SDAD1: variants seen among roughly 807,000 people sequenced by gnomAD.
SDAD1 encodes the protein protein SDA1 homolog.
SDAD1 carries 79 observed loss-of-function variants against 100.3 expected under a neutral mutation model. That is an observed-to-expected ratio of 0.79 (90% CI 0.66 to 0.95). SDAD1 has a LOEUF of 0.95. Among genes scored for constraint, SDAD1 ranks in the 40% least tolerant of loss-of-function variants. SDAD1 has a pLI of 0.00. For synonymous variants in SDAD1, 267 were observed against 271.4 expected (o/e 0.98, Z 0.16); for missense variants, 790 against 810.9 (o/e 0.97, Z 0.31).
rs746008352 is a variant in SDAD1 at position 75,956,071 on chromosome 4, C to T, written c.1920G>A (p.Ser640=). The T allele has an allele frequency of 1.9e-5, 31 of 1,613,392 alleles. No individual in the cohort carries two copies. The highest frequency in any genetic ancestry group is 2.5e-5 in the Non-Finnish European group (29 of 1,179,860). ...KKTKTNPFSS[S]TNKEKKKQKN... is the part of the protein sequence containing the mutation. ...TCTGTTTTTTCTTCTCTTTATTTGT[C>T]GAACTGGAAAATGGATTTGTTTTGG... Residue 640 remains serine (S), a synonymous_variant, in exon 21 of 22, where the codon TCG becomes TCA. Transcript: ENST00000356260.
chr4:75,977,390 A>G (rs1178815304), intron 4 of SDAD1, among the ~76,000 whole-genome samples: 3 of 152,170 alleles, frequency 2.0e-5, no homozygotes, highest in African/African-American at 7.2e-5. Flanking sequence ...GCAAAGTAAG[A>G]ATAATAATAA....
intron 6 of SDAD1, among the ~76,000 whole-genome samples, chr4:75,975,306 A>G (rs1578137587): frequency 1.3e-5 from 2 of 152,362 alleles, no homozygotes; most frequent in African/African-American, 4.8e-5. Context: ...AAGTGTACGA[A>G]GCATGATATT....
chr4:75,972,856 C>T (rs1223228956), intron 8 of SDAD1, among the ~76,000 whole-genome samples: 1 of 151,696 alleles, frequency 6.6e-6, no homozygotes, highest in East Asian at 1.9e-4. Flanking sequence ...CCCATCTCTA[C>T]CAAAAATACA....
At position 75,950,468 on chromosome 4, in the gene SDAD1, C is replaced by G. The variant is rs1397275730; in HGVS notation, c.*282G>C. ...TTGAGTGAAGGGGTTACAGCTCATT[C>G]GTTTTGCATCTACAGTGACAATGAA... is the stretch of plus-strand genomic sequence containing the variant. On this transcript the variant is annotated 3_prime_UTR_variant, in exon 22 of 22. Transcript: ENST00000356260. 1 of 324,424 alleles carries G rather than the reference C, an allele frequency of 3.1e-6. No homozygotes were observed. Among genetic ancestry groups the G allele is most frequent in the Non-Finnish European group, 5.9e-6 (1 of 170,350 alleles). The allele number at this position is 324,424 out of a possible 1,614,324, so 20.1% of individuals were successfully genotyped here.
chr4:75,961,155 G>A, intron 15 of SDAD1, 51 bp from the exon 16 acceptor site: 1 of 1,604,824 alleles, frequency 6.2e-7, no homozygotes. Flanking sequence ...AGTACAATGA[G>A]GTAAAAAGGA....
chr4:75,964,816 T>C (rs542246391), intron 13 of SDAD1, among the ~76,000 whole-genome samples: 5 of 152,308 alleles, frequency 3.3e-5, no homozygotes, highest in Admixed American at 2.6e-4. Flanking sequence ...ATTGTGAAGA[T>C]TTCATAGACA....
chr4:75,958,321 C>G (rs1401038911), intron 17 of SDAD1, among the ~76,000 whole-genome samples: 2 of 152,196 alleles, frequency 1.3e-5, no homozygotes, highest in Non-Finnish European at 2.9e-5. Context: ...CCAACTGTGT[C>G]CATCAAAACT....
rs532208632 is a variant in SDAD1, at chr4:75,980,435, C to G, written c.294+937G>C. Among the ~76,000 whole-genome samples the G allele has an allele frequency of 2.0e-5, 3 of 152,164 alleles. No homozygotes were observed. In the South Asian group the frequency reaches 6.2e-4, roughly 32 times the overall value. On this transcript the variant is annotated intron_variant, in intron 3 of 21. Coordinates refer to ENST00000356260, the MANE Select transcript of SDAD1 (RefSeq NM_018115.4). ...CAAGTTGTGCTATAGGATATTAGTA[C>G]GTTTTGTGATCATATTTGCGTACTT...
rs902917530 is a variant in SDAD1, at chr4:75,961,016, T to C, written c.1356+12A>G. ...CATAACCTTTAGACCAACATAAGTG[T>C]GCTTTACCTACCCGGAATTTCTTCT... is the stretch of plus-strand genomic sequence containing the variant. On this transcript the variant is annotated intron_variant, in intron 16 of 21. Coordinates refer to ENST00000356260, the MANE Select transcript of SDAD1 (RefSeq NM_018115.4). The C allele has an allele frequency of 6.2e-7, 1 of 1,611,242 alleles. No individual in the cohort carries two copies. Among genetic ancestry groups the C allele is most frequent in the Non-Finnish European group, 8.5e-7 (1 of 1,178,228 alleles).
At chr4:75,971,238 A>G in intron 9 of SDAD1, 119 bp downstream of exon 9, 1 of 672,736 alleles carries the variant, frequency 1.5e-6, no homozygotes, top group Non-Finnish European at 2.5e-6. Context: ...AAATTTATCT[A>G]ACATTTCTAA....
chr4:75,963,449 G>A (rs1359737349), intron 14 of SDAD1, among the ~76,000 whole-genome samples: 1 of 152,132 alleles, frequency 6.6e-6, no homozygotes, highest in African/African-American at 2.4e-5. Flanking sequence ...GCTTGATGGG[G>A]ATGGCATTGA....
At chr4:75,978,916 C>T (rs1040983393) in intron 3 of SDAD1, among the ~76,000 whole-genome samples, 59 of 136,834 alleles carry the variant, frequency 4.3e-4, no homozygotes, top group African/African-American at 1.6e-3. Context: ...AAGCTTGAGG[C>T]TGCGGTGAGC....
At position 75,957,622 on chromosome 4, in the gene SDAD1, G is replaced by C; in HGVS notation, c.1665C>G (p.Asp555Glu). The change falls in exon 19 of 22, where the codon GAC becomes GAG. Residue 555 changes from aspartate to glutamate, a missense_variant. Transcript: ENST00000356260. ...ISTSRVLTQE[D>E]FQKIRMAQMR... Reference sequence around the variant, plus strand: ...TTTGGGCCATGCGGATTTTCTGGAAGTCTTCCTGAGTTAAAACTCGGCTAG... The same window carrying C: ...TTTGGGCCATGCGGATTTTCTGGAACTCTTCCTGAGTTAAAACTCGGCTAG... The C allele has an allele frequency of 6.2e-7, 1 of 1,614,186 alleles. No individual in the cohort carries two copies.
chr4:75,974,712 A>C (rs549779923), intron 6 of SDAD1, among the ~76,000 whole-genome samples: 1 of 150,894 alleles, frequency 6.6e-6, no homozygotes, highest in Admixed American at 6.6e-5. Flanking sequence ...TTGTCTCAAA[A>C]AAACAAACAA....
intron 17 of SDAD1, among the ~76,000 whole-genome samples, chr4:75,959,146 G>A (rs1203566098): frequency 3.9e-5 from 5 of 128,996 alleles, no homozygotes; most frequent in South Asian, 2.6e-4. Flanking sequence ...AAAAACTTCC[G>A]AGGTGGACCT....
At chr4:75,962,103 G>A (rs1729274668) in intron 14 of SDAD1, among the ~76,000 whole-genome samples, 1 of 152,134 alleles carries the variant, frequency 6.6e-6, no homozygotes, top group African/African-American at 2.4e-5. Flanking sequence ...CTGTGTCCAA[G>A]TGTTCTCATT....
intron 6 of SDAD1, among the ~76,000 whole-genome samples, chr4:75,975,345 A>C (rs182822175): frequency 6.6e-6 from 1 of 152,326 alleles, no homozygotes; most frequent in Admixed American, 6.5e-5. Flanking sequence ...TTGACTTGAA[A>C]ATCTTCAGAG....
intron 1 of SDAD1, 183 bp downstream of exon 1, chr4:75,990,569 A>T (rs1322941339): frequency 8.0e-7 from 1 of 1,252,442 alleles, no homozygotes; most frequent in Non-Finnish European, 1.1e-6. Flanking sequence ...GATTTTCAAG[A>T]GGTGGGGAAC....
At chr4:75,964,251 G>C (rs566281446) in intron 13 of SDAD1, 40 bp from the exon 14 acceptor site, 2 of 1,296,350 alleles carry the variant, frequency 1.5e-6, no homozygotes, top group South Asian at 1.2e-5. Flanking sequence ...CTGATTAAAT[G>C]TCTGCATACA....
Sources: allele counts gnomAD v4.1 joint callset (sites outside exome capture counted in the v4.1 genomes callset), GRCh38; gene constraint gnomAD v4.1.1; transcripts MANE v1.5; gene names NCBI Gene and HGNC (gene_info 2026-07-23, HGNC 2026-07-21).